Variants in CACHD1 observed in about 807,000 individuals in gnomAD.
CACHD1 encodes cache domain containing 1.
Under a neutral mutation model 138.7 loss-of-function variants are expected in CACHD1, and 71 were observed. That is an observed-to-expected ratio of 0.51 (90% CI 0.42 to 0.62). The LOEUF is 0.62. Ranked by LOEUF, CACHD1 falls within the 20% of genes least tolerant of loss-of-function variation. CACHD1 has a pLI of 0.00. For missense variants in CACHD1, 1,389 were observed against 1,625.3 expected (o/e 0.85, Z 2.50); for synonymous variants, 578 against 591.5 (o/e 0.98, Z 0.33).
chr1:64,540,792 A>T (rs2100426968), intron 1 of CACHD1, among the ~76,000 whole-genome samples: 1 of 152,296 alleles, frequency 6.6e-6, no homozygotes, highest in Admixed American at 6.5e-5. Context: ...CTTTTGAGGG[A>T]TGGAGTGAAC....
rs752260831 is a variant in CACHD1, at chr1:64,681,302, A to G, written c.3451A>G (p.Arg1151Gly). Residue 1151 changes from arginine (R) to glycine (G), a missense_variant, in exon 25 of 27, where the codon AGG (arginine) becomes GGG (glycine). Physicochemically the swap from Arg to Gly is moderately radical, Grantham distance 125. Coordinates refer to ENST00000651257, the MANE Select transcript of CACHD1 (RefSeq NM_020925.4). ...CAACCTGGAGAATGACAGAGATGAAAGGGACGACGACAGCCACGAAGACAG... is the reference window on the plus strand; with the variant it reads ...CAACCTGGAGAATGACAGAGATGAAGGGGACGACGACAGCCACGAAGACAG... ...MSNLENDRDE[R>G]DDDSHEDRGI... is the part of the protein sequence containing the mutation. 6.2e-7 allele frequency: 1 copy of G among 1,614,044 alleles called. No homozygotes were observed. The highest frequency in any genetic ancestry group is 1.1e-5 in the South Asian group (1 of 91,078).
chr1:64,477,509 C>G (rs1487069449), intron 1 of CACHD1, among the ~76,000 whole-genome samples: 2 of 151,668 alleles, frequency 1.3e-5, no homozygotes, highest in African/African-American at 2.4e-5. Context: ...TACCTCTCAC[C>G]CAGCTTAGAC....
rs776519481 is a variant in CACHD1, at chr1:64,641,817, T to G, written c.1007-3T>G. ...AGCATTCAATTGATGTGTTTTTGTT[T>G]AGATACAGACATGGTCATCATTTAC... On this transcript the variant is annotated splice_polypyrimidine_tract_variant and splice_region_variant and intron_variant, in intron 7 of 26. Coordinates refer to ENST00000651257, the MANE Select transcript of CACHD1 (RefSeq NM_020925.4). 1 of 1,552,680 alleles carries G rather than the reference T, an allele frequency of 6.4e-7. No individual in the cohort carries two copies. The highest frequency in any genetic ancestry group is 8.6e-7 in the Non-Finnish European group (1 of 1,157,672).
At chr1:64,665,827 A>G (rs542151842) in intron 15 of CACHD1, among the ~76,000 whole-genome samples, 40 of 151,944 alleles carry the variant, frequency 2.6e-4, no homozygotes, top group Non-Finnish European at 4.7e-4. Flanking sequence ...CCACGGTGAA[A>G]CCCCGTCTCT....
chr1:64,542,753 T>TA, intron 1 of CACHD1, among the ~76,000 whole-genome samples: 1 of 152,274 alleles, frequency 6.6e-6, no homozygotes, highest in South Asian at 2.1e-4. Flanking sequence ...GGATTACAGA[T>TA]AAATTTAGGA....
Position 64,626,440 on chromosome 1 carries a change from G to A in CACHD1, c.518-2915G>A, listed in dbSNP as rs535604721. Among the ~76,000 whole-genome samples, 19 of 152,318 alleles carry A rather than the reference G, an allele frequency of 1.2e-4. No homozygotes were observed. In the South Asian group the frequency reaches 2.7e-3, roughly 22 times the overall value. ...ACATTAAAAATGGTGATCCTCACTC[G>A]GATGGAAAACGGGAAAGGAGTTGAA... On this transcript the variant is annotated intron_variant, in intron 4 of 26. Coordinates refer to ENST00000651257, the MANE Select transcript of CACHD1 (RefSeq NM_020925.4).
chr1:64,600,506 G>C (rs904441338), intron 3 of CACHD1, among the ~76,000 whole-genome samples: 4 of 152,164 alleles, frequency 2.6e-5, no homozygotes, highest in Non-Finnish European at 5.9e-5. Context: ...ATTTCTTGGA[G>C]CCTTCAGGGG....
intron 4 of CACHD1, among the ~76,000 whole-genome samples, chr1:64,614,847 C>T (rs11576536): frequency 0.056 from 8,584 of 152,220 alleles, 270 homozygotes; most frequent in Middle Eastern, 0.075. Context: ...GAATAATTAA[C>T]GTAGAGACCC....
chr1:64,590,322 CAAA>C lies in CACHD1; in HGVS notation c.410+8038_410+8040del, dbSNP rs67217249. ...TGGGCAACAGAGCAAGACTCTGTCT[CAAA>C]AAAAAAAAAAAAAAAAAAAGTTAAT... On this transcript the variant is annotated intron_variant, in intron 3 of 26. Coordinates refer to ENST00000651257, the MANE Select transcript of CACHD1 (RefSeq NM_020925.4). Among the ~76,000 whole-genome samples the C allele has an allele frequency of 3.9e-4, 34 of 86,168 alleles. 2 individuals are homozygous for C. Among genetic ancestry groups the C allele is most frequent in the Admixed American group, 1.3e-3 (10 of 7,948 alleles). 56.5% of individuals were successfully genotyped at this position (86,168 alleles called of 152,430 possible).
intron 2 of CACHD1, among the ~76,000 whole-genome samples, chr1:64,555,347 G>A (rs979892886): frequency 5.3e-5 from 8 of 151,986 alleles, no homozygotes; most frequent in South Asian, 4.1e-4. Flanking sequence ...TTAAAAAATC[G>A]ATCTTTAGAC....
chr1:64,554,680 C>T (rs1017442000), intron 2 of CACHD1, among the ~76,000 whole-genome samples: 5 of 152,104 alleles, frequency 3.3e-5, no homozygotes, highest in African/African-American at 1.2e-4. Flanking sequence ...TCTATGAATG[C>T]TCCTTGTCCA....
intron 22 of CACHD1, 37 bp downstream of exon 22, chr1:64,677,048 C>A: frequency 6.8e-7 from 1 of 1,463,836 alleles, no homozygotes; most frequent in Non-Finnish European, 9.5e-7. Context: ...GGTTTTCCAG[C>A]TAATATTTAT....
At chr1:64,528,429 T>C (rs1193245821) in intron 1 of CACHD1, among the ~76,000 whole-genome samples, 1 of 152,164 alleles carries the variant, frequency 6.6e-6, no homozygotes, top group Non-Finnish European at 1.5e-5. Context: ...CAAGTGTGAG[T>C]GTCTGCCTAG....
At chr1:64,686,032 A>C (rs142895449) in intron 26 of CACHD1, among the ~76,000 whole-genome samples, 1 of 152,274 alleles carries the variant, frequency 6.6e-6, no homozygotes, top group East Asian at 1.9e-4. Flanking sequence ...TAAAAGGTGG[A>C]ATATGACAGC....
intron 3 of CACHD1, among the ~76,000 whole-genome samples, chr1:64,586,045 A>G (rs1200039863): frequency 6.6e-6 from 1 of 152,142 alleles, no homozygotes; most frequent in Non-Finnish European, 1.5e-5. Context: ...TGCCTGCTGA[A>G]CACATTTTCA....
intron 4 of CACHD1, among the ~76,000 whole-genome samples, chr1:64,610,550 A>G (rs1443550224): frequency 6.6e-6 from 1 of 152,210 alleles, no homozygotes; most frequent in Non-Finnish European, 1.5e-5. Context: ...TTAAACTTTA[A>G]AGTTCCAAAA....
At chr1:64,533,922 T>G (rs1272007873) in intron 1 of CACHD1, among the ~76,000 whole-genome samples, 1 of 151,758 alleles carries the variant, frequency 6.6e-6, no homozygotes, top group East Asian at 1.9e-4. Flanking sequence ...CCGGCTAATT[T>G]TTTTGTATTT....
chr1:64,637,357 C>T (rs548945466), intron 7 of CACHD1, among the ~76,000 whole-genome samples: 2 of 152,192 alleles, frequency 1.3e-5, no homozygotes, highest in East Asian at 1.9e-4. Context: ...GGTAGCTGCT[C>T]CTCTGTTCAG....
intron 2 of CACHD1, among the ~76,000 whole-genome samples, chr1:64,566,637 G>A (rs780037360): frequency 1.7e-4 from 25 of 145,780 alleles, no homozygotes; most frequent in African/African-American, 4.6e-4. Flanking sequence ...ATGGTCTTTC[G>A]TTTTCCCCCA....
Sources: allele counts gnomAD v4.1 joint callset (sites outside exome capture counted in the v4.1 genomes callset), GRCh38; gene constraint gnomAD v4.1.1; transcripts MANE v1.5; gene names NCBI Gene and HGNC (gene_info 2026-07-23, HGNC 2026-07-21).